SEMA6D: variants seen among roughly 807,000 people sequenced by gnomAD.
The protein encoded by SEMA6D is semaphorin-6D.
In SEMA6D, 35 loss-of-function variants were observed where a neutral mutation model predicts 106.6. The ratio of observed to expected loss-of-function variants is 0.33; its 90% CI spans 0.25 to 0.44. The LOEUF (loss-of-function observed/expected upper bound fraction) is 0.44. Ranked by LOEUF, SEMA6D falls within the 20% of genes least tolerant of loss-of-function variation. The probability of loss-of-function intolerance (pLI) is 1.00; values close to 1 mark genes in which losing one functional copy is unlikely to be tolerated. For synonymous variants in SEMA6D, 499 were observed against 487.7 expected, an observed-to-expected ratio of 1.02 and a Z score of -0.31; for missense variants, 1,185 against 1,345.9, an observed-to-expected ratio of 0.88 and a Z score of 1.87.
At chr15:47,701,894 C>G (rs1187920417) in intron 4 of SEMA6D, among the ~76,000 whole-genome samples, 41 of 152,146 alleles carry the variant, frequency 2.7e-4, no homozygotes. Context: ...GGAAGCTGTA[C>G]CCTCTCACCC....
At chr15:47,300,726 C>T (rs2142992013) in intron 1 of SEMA6D, among the ~76,000 whole-genome samples, 1 of 152,300 alleles carries the variant, frequency 6.6e-6, no homozygotes, top group East Asian at 1.9e-4. Flanking sequence ...AACATGTGGA[C>T]TTGCATTTCC....
chr15:47,302,176 G>T (rs1324321235), intron 1 of SEMA6D, among the ~76,000 whole-genome samples: 1 of 152,172 alleles, frequency 6.6e-6, no homozygotes, highest in Non-Finnish European at 1.5e-5. Flanking sequence ...TTATGAGAAT[G>T]TGTCCTAGGT....
chr15:47,408,351 ATATCT>A (rs1329506841), intron 1 of SEMA6D, among the ~76,000 whole-genome samples: 1 of 152,238 alleles, frequency 6.6e-6, no homozygotes, highest in Non-Finnish European at 1.5e-5. Flanking sequence ...TATATTTTAA[ATATCT>A]TATGAAAACA....
At chr15:47,483,540 C>T (rs1182628915) in intron 3 of SEMA6D, among the ~76,000 whole-genome samples, 4 of 152,114 alleles carry the variant, frequency 2.6e-5, no homozygotes, top group Non-Finnish European at 5.9e-5. Context: ...AGAGTCTTAA[C>T]TGTAATAGTC....
intron 2 of SEMA6D, among the ~76,000 whole-genome samples, chr15:47,426,655 G>C (rs1343693592): frequency 6.7e-6 from 1 of 150,048 alleles, no homozygotes; most frequent in East Asian, 1.9e-4. Context: ...TCATATAATA[G>C]CACATCCCTG....
chr15:47,499,114 G>A (rs952337044), intron 3 of SEMA6D, among the ~76,000 whole-genome samples: 70 of 152,116 alleles, frequency 4.6e-4, no homozygotes, highest in Non-Finnish European at 3.1e-4. Flanking sequence ...GATTTCATGA[G>A]ATTTTATATA....
chr15:47,730,449 C>A, intron 1 of SEMA6D: 1 of 1,388,016 alleles, frequency 7.2e-7, no homozygotes, highest in Non-Finnish European at 1.0e-6. Flanking sequence ...ACAACCAGCT[C>A]GATGGGATCC....
intron 1 of SEMA6D, among the ~76,000 whole-genome samples, chr15:47,357,117 G>A (rs1475056037): frequency 2.6e-5 from 4 of 151,856 alleles, no homozygotes; most frequent in African/African-American, 4.8e-5. Context: ...GGCGGATCAC[G>A]AGGTCAGGAG....
At chr15:47,418,403 G>A (rs2041047224) in intron 2 of SEMA6D, among the ~76,000 whole-genome samples, 2 of 152,076 alleles carry the variant, frequency 1.3e-5, no homozygotes, top group African/African-American at 4.8e-5. Context: ...CACAGTTCTG[G>A]AGGCTAAGAA....
chr15:47,720,556 T>C (rs1222375664), intron 1 of SEMA6D, among the ~76,000 whole-genome samples: 2 of 152,166 alleles, frequency 1.3e-5, no homozygotes, highest in East Asian at 3.9e-4. Context: ...TTCAGTTCCT[T>C]GCTGCATGCA....
At position 47,700,961 on chromosome 15, in the gene SEMA6D, C is replaced by A. The variant is rs973356262; in HGVS notation, c.-54-58784C>A. Among the ~76,000 whole-genome samples the A allele has an allele frequency of 4.2e-4, 64 of 152,104 alleles. 1 individual carries two copies. Among genetic ancestry groups the A allele is most frequent in the Non-Finnish European group, 2.1e-4 (14 of 68,020 alleles). Reference sequence around the variant, plus strand: ...AGACCTTATACCTTTCACAAAAAGTCACAGACCTAAATGTAAAACTATAAA... The same window carrying A: ...AGACCTTATACCTTTCACAAAAAGTAACAGACCTAAATGTAAAACTATAAA... On this transcript the variant is annotated intron_variant, in intron 4 of 19. Coordinates refer to the SEMA6D transcript ENST00000558014.
At chr15:47,368,865 G>GCAGT (rs1462438491) in intron 1 of SEMA6D, among the ~76,000 whole-genome samples, 1 of 152,188 alleles carries the variant, frequency 6.6e-6, no homozygotes, top group Non-Finnish European at 1.5e-5. Context: ...GGAGAGAGAT[G>GCAGT]CAGTCGTCCT....
At chr15:47,256,392 A>G (rs1183769628) in intron 1 of SEMA6D, among the ~76,000 whole-genome samples, 4 of 152,124 alleles carry the variant, frequency 2.6e-5, no homozygotes, top group East Asian at 1.9e-4. Flanking sequence ...TCATTTTGTA[A>G]TTTTCTGCAT....
intron 3 of SEMA6D, among the ~76,000 whole-genome samples, chr15:47,511,937 G>A (rs1284558859): frequency 1.3e-5 from 2 of 152,112 alleles, no homozygotes; most frequent in South Asian, 2.1e-4. Context: ...GCCTGACCTC[G>A]GTGAGAAAAA....
chr15:47,732,252 C>T (rs2080173577), intron 1 of SEMA6D, among the ~76,000 whole-genome samples: 1 of 152,186 alleles, frequency 6.6e-6, no homozygotes, highest in Admixed American at 6.5e-5. Flanking sequence ...AATGTGGTTG[C>T]TCCAAGGTTG....
intron 1 of SEMA6D, among the ~76,000 whole-genome samples, chr15:47,757,787 T>G (rs1244797714): frequency 6.6e-6 from 1 of 152,190 alleles, no homozygotes. Context: ...CAGGCCCTTA[T>G]GAGACTCTTA....
At position 47,761,144 on chromosome 15, in the gene SEMA6D, C is replaced by T; in HGVS notation, c.283-14C>T. ...GCAGTTAAAAACTGCTTTGGTTTTGCTTGATTAATACAGAAACTGACATGG... is the reference window on the plus strand; with the variant it reads ...GCAGTTAAAAACTGCTTTGGTTTTGTTTGATTAATACAGAAACTGACATGG... On this transcript the variant is annotated splice_polypyrimidine_tract_variant and intron_variant, in intron 4 of 18. Coordinates refer to ENST00000536845, the MANE Select transcript of SEMA6D (RefSeq NM_001358351.3). 1 of 1,613,348 alleles carries T rather than the reference C, an allele frequency of 6.2e-7. No individual in the cohort carries two copies.
In SEMA6D at chr15:47,257,131, C is replaced by A. The variant is rs1031969697; in HGVS notation, c.-239+72713C>A. On this transcript the variant is annotated intron_variant, in intron 1 of 19. Coordinates refer to the SEMA6D transcript ENST00000558014. ...GGAGTGCAGTGCCACAATCTCAGCT[C>A]ACTGCAAACTCTGCCTCCCGGGTTC... Among the ~76,000 whole-genome samples the A allele has an allele frequency of 1.0e-4, 15 of 150,270 alleles. No homozygotes were observed. In the East Asian group the frequency reaches 1.2e-3, roughly 12 times the overall value.
At chr15:47,590,467 C>A (rs2076418647) in intron 3 of SEMA6D, among the ~76,000 whole-genome samples, 1 of 152,064 alleles carries the variant, frequency 6.6e-6, no homozygotes. Flanking sequence ...CAACATGGCA[C>A]ATGTATACCT....
Sources: gnomAD v4.1 joint callset for allele counts (sites outside exome capture counted in the v4.1 genomes callset) on GRCh38, gnomAD v4.1.1 for gene constraint, MANE v1.5 for transcripts, NCBI Gene and HGNC (gene_info 2026-07-23, HGNC 2026-07-21) for gene names.